Variants in DPP6 observed in about 807,000 individuals in gnomAD.
DPP6 encodes the protein dipeptidyl peptidase like 6.
A neutral mutation model predicts 122.6 loss-of-function variants in DPP6; 69 were observed. That is an observed-to-expected ratio of 0.56 (90% CI 0.46 to 0.69). The LOEUF is 0.69. Among genes scored for constraint, DPP6 ranks in the 30% least tolerant of loss-of-function variants. DPP6 has a pLI of 0.00. For synonymous variants in DPP6, 418 were observed against 433.1 expected (o/e 0.97, Z 0.43); for missense variants, 928 against 1,116.9 (o/e 0.83, Z 2.41).
chr7:153,945,549 A>C (rs1304370316), intron 1 of DPP6, among the ~76,000 whole-genome samples: 1 of 152,194 alleles, frequency 6.6e-6, no homozygotes, highest in Non-Finnish European at 1.5e-5. Flanking sequence ...TCTAGAGAGC[A>C]CCTCGTATAA....
At chr7:154,852,205 C>T (rs921369923) in intron 16 of DPP6, among the ~76,000 whole-genome samples, 4 of 152,182 alleles carry the variant, frequency 2.6e-5, no homozygotes, top group Admixed American at 6.5e-5. Context: ...CCCTCAGAAG[C>T]GTGTGGGGAG....
chr7:154,402,060 A>C (rs201572522), intron 1 of DPP6, among the ~76,000 whole-genome samples: 7,032 of 152,038 alleles, frequency 0.046, 253 homozygotes, highest in East Asian at 0.13. Context: ...GCCATCTCAC[A>C]CCAGTTAGAA....
chr7:154,777,794 A>G (rs933351367), intron 10 of DPP6, among the ~76,000 whole-genome samples: 1 of 152,078 alleles, frequency 6.6e-6, no homozygotes, highest in Non-Finnish European at 1.5e-5. Flanking sequence ...CCAAGACACA[A>G]AACCAACCAT....
chr7:154,159,507 T>C (rs1036287403), intron 1 of DPP6, among the ~76,000 whole-genome samples: 1 of 152,296 alleles, frequency 6.6e-6, no homozygotes, highest in African/African-American at 2.4e-5. Flanking sequence ...TGATCCTGTC[T>C]GCTTTTATTC....
chr7:154,799,679 G>A (rs896646335), intron 12 of DPP6, among the ~76,000 whole-genome samples: 8 of 152,338 alleles, frequency 5.3e-5, no homozygotes, highest in Middle Eastern at 3.4e-3. Flanking sequence ...GCTCTCATGA[G>A]TCAAAAGGGC....
intron 1 of DPP6, among the ~76,000 whole-genome samples, chr7:153,978,885 C>T (rs1796440280): frequency 6.6e-6 from 1 of 152,020 alleles, no homozygotes; most frequent in Non-Finnish European, 1.5e-5. Context: ...TCTGAGGCCT[C>T]TGTTCTGCTT....
At chr7:154,117,407 A>G (rs1486355522) in intron 1 of DPP6, among the ~76,000 whole-genome samples, 2 of 152,134 alleles carry the variant, frequency 1.3e-5, no homozygotes, top group African/African-American at 2.4e-5. Flanking sequence ...TGTGCTCAGT[A>G]CCTTGGTGTC....
At chr7:154,846,952 G>A (rs1176299620) in intron 16 of DPP6, among the ~76,000 whole-genome samples, 1 of 152,126 alleles carries the variant, frequency 6.6e-6, no homozygotes, top group East Asian at 1.9e-4. Context: ...ATTCTGCCAT[G>A]TGAGTAACTG....
chr7:154,597,572 C>T (rs10237050), intron 5 of DPP6, among the ~76,000 whole-genome samples: 88,188 of 151,146 alleles, frequency 0.58, 26,091 homozygotes, highest in East Asian at 0.69. Context: ...AAGATCGTGC[C>T]ACTGCACTCC....
chr7:154,504,550 A>G (rs187677592), intron 3 of DPP6, among the ~76,000 whole-genome samples: 98 of 152,318 alleles, frequency 6.4e-4, no homozygotes, highest in African/African-American at 2.2e-3. Context: ...ACAAGAATAG[A>G]TAACTCAAGG....
Position 154,663,986 on chromosome 7 carries a change from A to G in DPP6, c.681-5374A>G, listed in dbSNP as rs10085704. ...TGGCGCTAGTATTCATATAGTCATG[A>G]TGAATCACCATAGCGTATTGGCCAT... On this transcript the variant is annotated intron_variant, in intron 6 of 25. Transcript: ENST00000377770. 1.8e-3 allele frequency among the ~76,000 whole-genome samples: 143 copies of G among 79,948 alleles called. 20 individuals carry two copies. The highest frequency in any genetic ancestry group is 4.7e-3 in the African/African-American group (126 of 26,666). The allele number at this position is 79,948 out of a possible 152,430, so 52.4% of individuals were successfully genotyped here.
In DPP6 at chr7:154,581,768, GTGGGAAGGT is replaced by G. The variant is rs1429626837; in HGVS notation, c.627+14856_627+14864del. On this transcript the variant is annotated intron_variant, in intron 5 of 25. Coordinates refer to ENST00000377770, the MANE Select transcript of DPP6 (RefSeq NM_130797.4). ...AGACAGCAGAATAATCGCTCCTGGA[GTGGGAAGGT>G]TGGCTTGTGTATTGTGCGCGGCCAT... is the stretch of plus-strand genomic sequence containing the variant. Among the ~76,000 whole-genome samples the G allele has an allele frequency of 5.3e-5, 8 of 152,356 alleles. No homozygotes were observed. The East Asian group carries it at 1.5e-3, about 29-fold the overall frequency.
intron 7 of DPP6, among the ~76,000 whole-genome samples, chr7:154,702,265 C>G (rs898381734): frequency 6.6e-6 from 1 of 152,136 alleles, no homozygotes; most frequent in African/African-American, 2.4e-5. Context: ...TGAATTAGGC[C>G]AATAATATCT....
At chr7:153,912,846 C>G (rs945222309) in intron 1 of DPP6, among the ~76,000 whole-genome samples, 8 of 152,178 alleles carry the variant, frequency 5.3e-5, no homozygotes, top group Non-Finnish European at 1.2e-4. Context: ...TTGGCCTCCT[C>G]ATTAACACTC....
At chr7:154,113,551 C>T (rs961529353) in intron 1 of DPP6, among the ~76,000 whole-genome samples, 2 of 152,048 alleles carry the variant, frequency 1.3e-5, no homozygotes, top group Admixed American at 6.6e-5. Flanking sequence ...TGTTGAACAT[C>T]TTTTTATGTG....
At chr7:154,714,985 C>T (rs1221862393) in intron 7 of DPP6, among the ~76,000 whole-genome samples, 1 of 152,010 alleles carries the variant, frequency 6.6e-6, no homozygotes, top group African/African-American at 2.4e-5. Flanking sequence ...AAGCAGAGGC[C>T]CTCACACTTT....
At chr7:154,216,566 C>A (rs2150819498) in intron 1 of DPP6, among the ~76,000 whole-genome samples, 1 of 152,294 alleles carries the variant, frequency 6.6e-6, no homozygotes, top group Middle Eastern at 3.4e-3. Context: ...TCTTACAAAT[C>A]CACCTTCATC....
At chr7:153,918,466 A>ACTCT (rs1202248132) in intron 1 of DPP6, among the ~76,000 whole-genome samples, 90 of 95,986 alleles carry the variant, frequency 9.4e-4, no homozygotes, top group South Asian at 3.0e-3. Context: ...ACACACACAC[A>ACTCT]CTCTCTCTCT....
chr7:154,014,732 G>A lies in DPP6; in HGVS notation c.51+126998G>A, dbSNP rs552027159. Among the ~76,000 whole-genome samples the A allele has an allele frequency of 4.6e-5, 7 of 151,928 alleles. No individual in the cohort carries two copies. In the South Asian group the frequency reaches 1.0e-3, roughly 23 times the overall value. On this transcript the variant is annotated intron_variant, in intron 1 of 25. Coordinates refer to the DPP6 transcript ENST00000404039. ...TACTCTGCTTGTATTTTTTGTTTCT[G>A]TCCATCCTCTTACTTGATACCCCTC...
Sources: allele counts gnomAD v4.1 joint callset (sites outside exome capture counted in the v4.1 genomes callset), GRCh38; gene constraint gnomAD v4.1.1; transcripts MANE v1.5; gene names NCBI Gene and HGNC (gene_info 2026-07-23, HGNC 2026-07-21).